MAX: variants seen among roughly 807,000 people sequenced by gnomAD.
MAX encodes the protein protein max.
Under a neutral mutation model 22.3 loss-of-function variants are expected in MAX, and 3 were observed. That is an observed-to-expected ratio of 0.13 (90% CI 0.06 to 0.35). The LOEUF is 0.35. Ranked by LOEUF, MAX falls within the 10% of genes least tolerant of loss-of-function variation. MAX has a pLI of 1.00. For synonymous variants in MAX, 72 were observed against 77.7 expected, an observed-to-expected ratio of 0.93 and a Z score of 0.39; for missense variants, 119 against 209.4, an observed-to-expected ratio of 0.57 and a Z score of 2.66.
In MAX at chr14:65,077,641, C is replaced by A; in HGVS notation, c.295+272G>T. On this transcript the variant is annotated intron_variant, in intron 4 of 4. Coordinates refer to ENST00000358664, the MANE Select transcript of MAX (RefSeq NM_002382.5). The surrounding 1 kb of genome is among the most constrained non-coding windows in gnomAD (Gnocchi z 6.3). ...GGTGTGATCCCTACTGCAGGCAGAG[C>A]ACCTGAGCCCCAAGAAGGGGAGAGG... is the stretch of plus-strand genomic sequence containing the variant. The A allele has an allele frequency of 7.7e-7, 1 of 1,305,284 alleles. No homozygotes were observed. The highest frequency in any genetic ancestry group is 1.1e-6 in the Non-Finnish European group (1 of 931,464). The allele number at this position is 1,305,284 out of a possible 1,614,324, so 80.9% of individuals were successfully genotyped here. A position where few individuals can be genotyped will look rare whatever the true frequency, so the allele number is the denominator to read the frequency against.
At chr14:65,059,050 TCTCA>T (rs1278910144) in intron 3 of MAX, among the ~76,000 whole-genome samples, 6 of 152,166 alleles carry the variant, frequency 3.9e-5, no homozygotes, top group Admixed American at 3.3e-4. Context: ...AGAGACATGA[TCTCA>T]CTCTGTCACT....
rs2062513653 is a variant in MAX at position 65,047,692 on chromosome 14, G to A, written c.172-41408C>T. Among the ~76,000 whole-genome samples, 1 of 152,162 alleles carries A rather than the reference G, an allele frequency of 6.6e-6. No individual in the cohort carries two copies. Among genetic ancestry groups the A allele is most frequent in the Non-Finnish European group, 1.5e-5 (1 of 68,034 alleles). Reference sequence around the variant, plus strand: ...TTTACCTGCAGGGATATTAGCAAAGGATGTATATTGAAGTGGAGTTTCAAT... The same window carrying A: ...TTTACCTGCAGGGATATTAGCAAAGAATGTATATTGAAGTGGAGTTTCAAT... On this transcript the variant is annotated intron_variant, in intron 3 of 3. Coordinates refer to the MAX transcript ENST00000341653. The surrounding 1 kb of genome is among the most constrained non-coding windows in gnomAD (Gnocchi z 5.2).
chr14:65,038,152 T>C (rs1330357888), intron 3 of MAX, among the ~76,000 whole-genome samples: 1 of 152,182 alleles, frequency 6.6e-6, no homozygotes, highest in East Asian at 1.9e-4. Flanking sequence ...GGCTCACGCC[T>C]GTAATCCTAA....
rs1451924811 is a variant in MAX at position 65,029,764 on chromosome 14, C to A, written c.172-23480G>T. ...GGAGGGACAGGCTGGGAACAGGCTA[C>A]AGAGGCCCTGAAATCTCCTATGGAG... is the stretch of plus-strand genomic sequence containing the variant. On this transcript the variant is annotated intron_variant, in intron 3 of 3. Coordinates refer to the MAX transcript ENST00000341653. The surrounding 1 kb of genome is among the most constrained non-coding windows in gnomAD (Gnocchi z 4.7). Among the ~76,000 whole-genome samples the A allele has an allele frequency of 1.3e-5, 2 of 152,148 alleles. No homozygotes were observed. The highest frequency in any genetic ancestry group is 2.9e-5 in the Non-Finnish European group (2 of 68,032).
rs2083709036 is a variant in MAX at position 65,047,653 on chromosome 14, T to G, written c.172-41369A>C. On this transcript the variant is annotated intron_variant, in intron 3 of 3. Coordinates refer to the MAX transcript ENST00000341653. The surrounding 1 kb of genome is among the most constrained non-coding windows in gnomAD (Gnocchi z 5.2). Reference sequence around the variant, plus strand: ...GCACTTACCCTTTGAACACAGCAAGTGCACTGTCAGGAATTTACCTGCAGG... The same window carrying G: ...GCACTTACCCTTTGAACACAGCAAGGGCACTGTCAGGAATTTACCTGCAGG... 6.6e-6 allele frequency among the ~76,000 whole-genome samples: 1 copy of G among 152,190 alleles called. No individual in the cohort carries two copies. The highest frequency in any genetic ancestry group is 1.9e-4 in the East Asian group (1 of 5,204).
Position 65,076,152 on chromosome 14 carries a change from G to C in MAX, c.*324C>G. On this transcript the variant is annotated 3_prime_UTR_variant, in exon 5 of 5. Transcript: ENST00000358664. The surrounding 1 kb of genome is among the most constrained non-coding windows in gnomAD (Gnocchi z 6.6). Reference sequence around the variant, plus strand: ...GCTGGAGGAGCTGGTAGGGTGGGCAGGACACTATGTGCTCAGAGGTCCGGC... The same window carrying C: ...GCTGGAGGAGCTGGTAGGGTGGGCACGACACTATGTGCTCAGAGGTCCGGC... 1 of 1,350,140 alleles carries C rather than the reference G, an allele frequency of 7.4e-7. No homozygotes were observed. The allele number at this position is 1,350,140 out of a possible 1,614,324, so 83.6% of individuals were successfully genotyped here.
rs1034193353 is a variant in MAX at position 65,078,575 on chromosome 14, G to A, written c.172-539C>T. Among the ~76,000 whole-genome samples, 2 of 151,114 alleles carry A rather than the reference G, an allele frequency of 1.3e-5. No individual in the cohort carries two copies. Among genetic ancestry groups the A allele is most frequent in the African/African-American group, 4.9e-5 (2 of 41,096 alleles). On this transcript the variant is annotated intron_variant, in intron 3 of 4. Coordinates refer to ENST00000358664, the MANE Select transcript of MAX (RefSeq NM_002382.5). This position sits in a 1 kb window ranked among gnomAD's most constrained non-coding sequence, Gnocchi z 6.4. ...GACGTAGTCTCGCTCTGTTGCCCAG[G>A]CTGGAGTAGAGTGGTGTGATCTCAG...
intron 3 of MAX, among the ~76,000 whole-genome samples, chr14:65,083,315 GT>G (rs2063245516): frequency 6.6e-6 from 1 of 152,198 alleles, no homozygotes; most frequent in Admixed American, 6.5e-5. Context: ...AAATAGAACC[GT>G]TTAAGGCCCC....
At position 65,019,236 on chromosome 14, in the gene MAX, C is replaced by T. The variant is rs185722656; in HGVS notation, c.172-12952G>A. Among the ~76,000 whole-genome samples the T allele has an allele frequency of 6.0e-3, 919 of 151,992 alleles. 11 individuals carry two copies. Among genetic ancestry groups the T allele is most frequent in the African/African-American group, 0.021 (869 of 41,426 alleles). On this transcript the variant is annotated intron_variant, in intron 3 of 3. Coordinates refer to the MAX transcript ENST00000341653. ...ATGTAGTGGCTCATGGCTGTAATCC[C>T]AGGACTTTGAGAGGCTGAGACAGGC... is the stretch of plus-strand genomic sequence containing the variant.
Position 65,012,397 on chromosome 14 carries a change from C to G in MAX, c.172-6113G>C. The G allele has an allele frequency of 6.2e-7, 1 of 1,614,038 alleles. No homozygotes were observed. The highest frequency in any genetic ancestry group is 8.5e-7 in the Non-Finnish European group (1 of 1,179,894). ...CTGACAGATGCCTATGAGGTAAACA[C>G]ATTACCCAGGAACTCTTGCTGTCAA... On this transcript the variant is annotated intron_variant, in intron 3 of 3. Transcript: ENST00000341653. This position sits in a 1 kb window ranked among gnomAD's most constrained non-coding sequence, Gnocchi z 5.0.
rs2062964832 is a variant in MAX at position 65,069,500 on chromosome 14, A to G, written c.171+24208T>C. On this transcript the variant is annotated intron_variant, in intron 3 of 3. Transcript: ENST00000341653. This position sits in a 1 kb window ranked among gnomAD's most constrained non-coding sequence, Gnocchi z 4.6. ...CTTCAAGGCAAGGCCCAGCCTTTAT[A>G]AGCTGCCTAGATTGCCCCAGTAGCC... Among the ~76,000 whole-genome samples the G allele has an allele frequency of 1.3e-5, 2 of 152,210 alleles. No homozygotes were observed. Among genetic ancestry groups the G allele is most frequent in the South Asian group, 4.1e-4 (2 of 4,834 alleles).
chr14:65,050,166 T>C (rs1375087837), intron 3 of MAX, among the ~76,000 whole-genome samples: 1 of 152,092 alleles, frequency 6.6e-6, no homozygotes, highest in East Asian at 1.9e-4. Flanking sequence ...ACAGACACCA[T>C]CATAAGGAAA....
chr14:65,075,027 A>G, downstream of MAX: 2 of 1,003,998 alleles, frequency 2.0e-6, no homozygotes, highest in East Asian at 1.4e-4. The surrounding 1 kb of genome is among the most constrained non-coding windows in gnomAD (Gnocchi z 4.1). Flanking sequence ...AGCCACCTCC[A>G]CTTCTCACTC....
At chr14:65,086,619 G>A (rs1595148322) in intron 3 of MAX, among the ~76,000 whole-genome samples, 1 of 152,194 alleles carries the variant, frequency 6.6e-6, no homozygotes, top group African/African-American at 2.4e-5. Flanking sequence ...TAGGGTATCT[G>A]GAGGAAGAAA....
rs2061686023 is a variant in MAX, at chr14:65,011,692, G to C, written c.172-5408C>G. 6.6e-6 allele frequency among the ~76,000 whole-genome samples: 1 copy of C among 152,224 alleles called. No individual in the cohort carries two copies. On this transcript the variant is annotated intron_variant, in intron 3 of 3. Coordinates refer to the MAX transcript ENST00000341653. The surrounding 1 kb of genome is among the most constrained non-coding windows in gnomAD (Gnocchi z 4.0). ...GCCCGGCCTGTGCAGGTGGCCATGGGCGGCACATTCCATCTTAAAGCCAGT... is the reference window on the plus strand; with the variant it reads ...GCCCGGCCTGTGCAGGTGGCCATGGCCGGCACATTCCATCTTAAAGCCAGT...
rs965191782 is a variant in MAX, at chr14:65,088,319, G to A, written c.171+5389C>T. 2.0e-5 allele frequency among the ~76,000 whole-genome samples: 3 copies of A among 152,180 alleles called. No homozygotes were observed. Among genetic ancestry groups the A allele is most frequent in the Middle Eastern group, 6.3e-3 (2 of 316 alleles). On this transcript the variant is annotated intron_variant, in intron 3 of 4. Coordinates refer to ENST00000358664, the MANE Select transcript of MAX (RefSeq NM_002382.5). This position sits in a 1 kb window ranked among gnomAD's most constrained non-coding sequence, Gnocchi z 5.2. ...AATGGGCAATGAAAAGCCCTTGGAGGTTTTCAGCAGCATGCAAATAATTTA... is the reference window on the plus strand; with the variant it reads ...AATGGGCAATGAAAAGCCCTTGGAGATTTTCAGCAGCATGCAAATAATTTA...
intron 2 of MAX, among the ~76,000 whole-genome samples, chr14:65,099,514 G>A: frequency 6.9e-6 from 1 of 144,890 alleles, no homozygotes. Context: ...TTCAAGAACT[G>A]CGAGCCAAAA....
intron 3 of MAX, chr14:65,016,519 C>G (rs2061776057): frequency 6.6e-6 from 1 of 152,208 alleles, no homozygotes; most frequent in Non-Finnish European, 1.5e-5. Context: ...TGAGAGACTT[C>G]TGAGCCAGGT....
chr14:65,058,703 T>C (rs542810334), intron 3 of MAX, among the ~76,000 whole-genome samples: 80 of 152,364 alleles, frequency 5.3e-4, no homozygotes, highest in African/African-American at 1.8e-3. Flanking sequence ...TATTGAATGC[T>C]TTCTCCGCAT....
Sources: gnomAD v4.1 joint callset for allele counts (sites outside exome capture counted in the v4.1 genomes callset) on GRCh38, gnomAD v4.1.1 for gene constraint, Gnocchi (gnomAD v3.1) non-coding constraint, MANE v1.5 for transcripts, NCBI Gene and HGNC (gene_info 2026-07-23, HGNC 2026-07-21) for gene names.